LRIG1: variants seen among roughly 807,000 people sequenced by gnomAD.
LRIG1 encodes the protein leucine-rich repeats and immunoglobulin-like domains protein 1.
In LRIG1, 48 loss-of-function variants were observed where a neutral mutation model predicts 99.2. That is an observed-to-expected ratio of 0.48 (90% CI 0.38 to 0.62). The LOEUF (loss-of-function observed/expected upper bound fraction) is 0.62, where lower values mean the gene tolerates loss of function less well. LRIG1 is among the 20% of genes least tolerant of loss of function. The pLI, the probability that LRIG1 is intolerant of heterozygous loss-of-function variation, is 0.00. For missense variants in LRIG1, 1,646 were observed against 1,434.4 expected, an observed-to-expected ratio of 1.15 and a Z score of -2.38; for synonymous variants, 772 against 596.1, an observed-to-expected ratio of 1.29 and a Z score of -4.30.
rs950464673 is a variant in LRIG1, at chr3:66,500,891, G to A, written c.-484C>T. On this transcript the variant is annotated 5_prime_UTR_variant, in exon 1 of 19. Coordinates refer to ENST00000273261, the MANE Select transcript of LRIG1 (RefSeq NM_015541.3). The stretch of plus-strand genomic sequence containing the variant: ...GGCGCGGCCGGCCCCGCGCTGGGAG[G>A]CCCCAGTGCGCCTCGCTGTCCCCAC... 6.6e-6 allele frequency: 1 copy of A among 151,870 alleles called. No individual in the cohort carries two copies. The highest frequency in any genetic ancestry group is 1.5e-5 in the Non-Finnish European group (1 of 67,994). The allele number at this position is 151,870 out of a possible 1,614,324, so 9.4% of individuals were successfully genotyped here.
At position 66,405,316 on chromosome 3, in the gene LRIG1, G is replaced by C. The variant is rs766650359; in HGVS notation, c.1080-38C>G. On this transcript the variant is annotated intron_variant, in intron 8 of 18. Transcript: ENST00000273261. ...CAGAAAGCAGCTCACCGAGCAGTCGGGGCGTGAAGGGAAAGCAAACTCTCA... is the reference window on the plus strand; with the variant it reads ...CAGAAAGCAGCTCACCGAGCAGTCGCGGCGTGAAGGGAAAGCAAACTCTCA... 5 of 1,527,580 alleles carry C rather than the reference G, an allele frequency of 3.3e-6. No individual in the cohort carries two copies. The African/African-American group carries it at 6.8e-5, about 21-fold the overall frequency. The allele number at this position is 1,527,580 out of a possible 1,614,324, so 94.6% of individuals were successfully genotyped here.
chr3:66,391,158 ATAACACATGC>A (rs1701601108), intron 12 of LRIG1, among the ~76,000 whole-genome samples: 1 of 152,214 alleles, frequency 6.6e-6, no homozygotes, highest in Non-Finnish European at 1.5e-5. Context: ...AAGACAGTTA[ATAACACATGC>A]TAGCAAAAAT....
chr3:66,461,199 C>T (rs770953417), intron 2 of LRIG1, among the ~76,000 whole-genome samples: 1 of 152,054 alleles, frequency 6.6e-6, no homozygotes, highest in Non-Finnish European at 1.5e-5. Flanking sequence ...CAGCTACTCA[C>T]AAGGCTGGGG....
At position 66,407,389 on chromosome 3, in the gene LRIG1, A is replaced by C. The variant is rs773312128; in HGVS notation, c.1038T>G (p.Ile346Met). The C allele has an allele frequency of 6.2e-7, 1 of 1,614,116 alleles. No individual in the cohort carries two copies. The change falls in exon 8 of 19, where the codon ATT (isoleucine) becomes ATG (methionine). Residue 346 changes from isoleucine to methionine, a missense_variant. Ile to Met is a conservative substitution (Grantham distance 10). Transcript: ENST00000273261. ...LRLSHNSISH[I>M]AEGAFKGLRS... ...TGAGTCCCTTGAAGGCACCCTCCGC[A>C]ATGTGGCTGATGGAATTGTGGCTGA... is the stretch of plus-strand genomic sequence containing the variant.
chr3:66,423,682 G>A (rs1007300134), intron 3 of LRIG1, among the ~76,000 whole-genome samples: 2 of 152,176 alleles, frequency 1.3e-5, no homozygotes, highest in Non-Finnish European at 2.9e-5. Context: ...GGTCTCCAAG[G>A]CACATGTGGA....
chr3:66,427,896 C>CTTTTT (rs1238532854), intron 3 of LRIG1, among the ~76,000 whole-genome samples: 4 of 152,246 alleles, frequency 2.6e-5, no homozygotes, highest in Non-Finnish European at 5.9e-5. Flanking sequence ...TGTACATACC[C>CTTTTT]TTTTTTATTT....
At chr3:66,488,694 G>A (rs1336965486) in intron 1 of LRIG1, among the ~76,000 whole-genome samples, 1 of 152,150 alleles carries the variant, frequency 6.6e-6, no homozygotes, top group African/African-American at 2.4e-5. Flanking sequence ...TTTCTATCTT[G>A]AAAGGGATAC....
chr3:66,494,729 C>G (rs1398377840), intron 1 of LRIG1, among the ~76,000 whole-genome samples: 1 of 152,112 alleles, frequency 6.6e-6, no homozygotes, highest in Non-Finnish European at 1.5e-5. Flanking sequence ...TACCCACCAC[C>G]CCCTACAAAA....
intron 6 of LRIG1, among the ~76,000 whole-genome samples, chr3:66,411,303 C>T (rs762546946): frequency 3.3e-5 from 5 of 152,226 alleles, no homozygotes; most frequent in Non-Finnish European, 4.4e-5. Context: ...TTTCTTTCTG[C>T]TACTGCTCAA....
At chr3:66,424,881 G>A (rs1057400806) in intron 3 of LRIG1, among the ~76,000 whole-genome samples, 4 of 152,194 alleles carry the variant, frequency 2.6e-5, no homozygotes, top group Non-Finnish European at 5.9e-5. Flanking sequence ...TATAAAATGG[G>A]CTTTGTGTTA....
At chr3:66,448,328 A>T (rs1471102206) in intron 3 of LRIG1, among the ~76,000 whole-genome samples, 2 of 152,210 alleles carry the variant, frequency 1.3e-5, no homozygotes, top group Non-Finnish European at 2.9e-5. Flanking sequence ...TCAATTCTGC[A>T]TAAGCAAAAT....
intron 1 of LRIG1, among the ~76,000 whole-genome samples, chr3:66,472,221 G>A (rs577133165): frequency 7.2e-6 from 1 of 138,204 alleles, no homozygotes; most frequent in South Asian, 2.4e-4. Flanking sequence ...GGAGAATGGC[G>A]AGAACCCGGG....
At chr3:66,429,010 C>T (rs188397896) in intron 3 of LRIG1, among the ~76,000 whole-genome samples, 233 of 152,290 alleles carry the variant, frequency 1.5e-3, no homozygotes, top group African/African-American at 4.7e-3. Flanking sequence ...AGCCCAGTGG[C>T]GGGATAAACA....
rs1701332560 is a variant in LRIG1, at chr3:66,500,415, G to A, written c.-8C>T. The stretch of plus-strand genomic sequence containing the variant: ...CCGGACCGGCCGCGCCATCTTGTCT[G>A]GAGCGCGCTGCGAACTCCGGGCGCG... On this transcript the variant is annotated 5_prime_UTR_variant, in exon 1 of 19. Coordinates refer to ENST00000273261, the MANE Select transcript of LRIG1 (RefSeq NM_015541.3). 1 of 1,378,136 alleles carries A rather than the reference G, an allele frequency of 7.3e-7. No individual in the cohort carries two copies. Among genetic ancestry groups the A allele is most frequent in the Non-Finnish European group, 9.3e-7 (1 of 1,073,372 alleles). The allele number at this position is 1,378,136 out of a possible 1,614,324, so 85.4% of individuals were successfully genotyped here. A position where few individuals can be genotyped will look rare whatever the true frequency, so the allele number is the denominator to read the frequency against.
chr3:66,451,941 C>T (rs1342497829), intron 2 of LRIG1, among the ~76,000 whole-genome samples: 1 of 152,154 alleles, frequency 6.6e-6, no homozygotes, highest in Non-Finnish European at 1.5e-5. Context: ...AGCCAAGAGG[C>T]AGGTTCGGGA....
At position 66,462,324 on chromosome 3, in the gene LRIG1, T is replaced by G. The variant is rs527615424; in HGVS notation, c.290+114A>C. ...AACACAGTCCATACACAAATGTTCC[T>G]TCCTACAAGTTTACACTGCGGATCT... is the stretch of plus-strand genomic sequence containing the variant. On this transcript the variant is annotated intron_variant, in intron 2 of 18. Coordinates refer to ENST00000273261, the MANE Select transcript of LRIG1 (RefSeq NM_015541.3). 93 of 749,318 alleles carry G rather than the reference T, an allele frequency of 1.2e-4. 1 individual carries two copies. The African/African-American group carries it at 1.4e-3, about 11-fold the overall frequency. 46.4% of individuals were successfully genotyped at this position (749,318 alleles called of 1,614,324 possible).
Position 66,414,820 on chromosome 3 carries a change from G to A in LRIG1, c.647+100C>T. On this transcript the variant is annotated intron_variant, in intron 5 of 18. Transcript: ENST00000273261. ...TAATTTATGGAGAGCTTTACCAAATGGAGCAAGGAAAGGGTGGCGTTTGGT... is the reference window on the plus strand; with the variant it reads ...TAATTTATGGAGAGCTTTACCAAATAGAGCAAGGAAAGGGTGGCGTTTGGT... The A allele has an allele frequency of 3.3e-6, 4 of 1,198,514 alleles. No individual in the cohort carries two copies. In the South Asian group the frequency reaches 8.4e-5, roughly 25 times the overall value. The allele number at this position is 1,198,514 out of a possible 1,614,324, so 74.2% of individuals were successfully genotyped here. A position where few individuals can be genotyped will look rare whatever the true frequency, so the allele number is the denominator to read the frequency against.
chr3:66,391,880 C>A (rs1701634296), intron 12 of LRIG1, among the ~76,000 whole-genome samples: 1 of 152,196 alleles, frequency 6.6e-6, no homozygotes, highest in African/African-American at 2.4e-5. Flanking sequence ...CCAATATGGG[C>A]AACCATCACT....
At chr3:66,391,686 A>G (rs535670572) in intron 12 of LRIG1, among the ~76,000 whole-genome samples, 1 of 152,346 alleles carries the variant, frequency 6.6e-6, no homozygotes, top group South Asian at 2.1e-4. Context: ...CTAAAATTAG[A>G]TAATAGTGAT....
Sources: allele counts gnomAD v4.1 joint callset (sites outside exome capture counted in the v4.1 genomes callset), GRCh38; gene constraint gnomAD v4.1.1; transcripts MANE v1.5; gene names NCBI Gene and HGNC (gene_info 2026-07-23, HGNC 2026-07-21).